Variants in PPP2R2B observed in about 807,000 individuals in gnomAD.
The protein encoded by PPP2R2B is serine/threonine-protein phosphatase 2A 55 kDa regulatory subunit B beta isoform.
A neutral mutation model predicts 46.0 loss-of-function variants in PPP2R2B; 5 were observed. The observed-to-expected ratio is 0.11, with a 90% CI of 0.06 to 0.23. PPP2R2B has a LOEUF of 0.23. PPP2R2B is among the 10% of genes least tolerant of loss of function. The pLI is 1.00. For missense variants in PPP2R2B, 367 were observed against 575.0 expected, an observed-to-expected ratio of 0.64 and a Z score of 3.70; for synonymous variants, 215 against 206.7, an observed-to-expected ratio of 1.04 and a Z score of -0.34.
At chr5:146,917,637 T>C (rs1235002983) in intron 1 of PPP2R2B, among the ~76,000 whole-genome samples, 1 of 152,210 alleles carries the variant, frequency 6.6e-6, no homozygotes, top group Admixed American at 6.5e-5. Flanking sequence ...ATAAGGTGGG[T>C]TACAAATAAA....
chr5:146,720,913 T>A (rs1780759910), intron 2 of PPP2R2B, among the ~76,000 whole-genome samples: 1 of 152,222 alleles, frequency 6.6e-6, no homozygotes, highest in Non-Finnish European at 1.5e-5. Flanking sequence ...CACTTGCAAA[T>A]CCTATCTCTT....
At chr5:146,866,140 T>G (rs1401339440) in intron 2 of PPP2R2B, among the ~76,000 whole-genome samples, 1 of 152,182 alleles carries the variant, frequency 6.6e-6, no homozygotes, top group Non-Finnish European at 1.5e-5. Context: ...GCTAAAATAC[T>G]TATCATCTGA....
rs187843907 is a variant in PPP2R2B at position 146,804,323 on chromosome 5, A to G, written c.70+73679T>C. ...GGTACTTTCATCTCTGTTTTTAAAG[A>G]TGAGAGGAATCCGATGCTTAGAGAA... On this transcript the variant is annotated intron_variant, in intron 2 of 9. Transcript: ENST00000394411. Among the ~76,000 whole-genome samples the G allele has an allele frequency of 7.4e-4, 112 of 152,238 alleles. 1 individual carries two copies. The highest frequency in any genetic ancestry group is 1.3e-3 in the Non-Finnish European group (91 of 68,014).
chr5:146,846,971 T>C (rs760188232), intron 2 of PPP2R2B, among the ~76,000 whole-genome samples: 2 of 152,222 alleles, frequency 1.3e-5, no homozygotes, highest in Non-Finnish European at 2.9e-5. Context: ...TCTTAGAACA[T>C]TGTTCAAGTA....
intron 2 of PPP2R2B, among the ~76,000 whole-genome samples, chr5:146,756,743 T>C (rs1346060564): frequency 6.6e-6 from 1 of 152,222 alleles, no homozygotes; most frequent in Non-Finnish European, 1.5e-5. Context: ...ATTCATGTCG[T>C]GTACTTAAAA....
chr5:146,878,684 G>A lies in PPP2R2B; in HGVS notation c.-218C>T. On this transcript the variant is annotated 5_prime_UTR_variant, in exon 1 of 10. Transcript: ENST00000394411. This position sits in a 1 kb window ranked among gnomAD's most constrained non-coding sequence, Gnocchi z 4.5. ...GGGAGCTGGGCAGGGCGCTGCAGCC[G>A]GCGCCAGCGCACTCACCCTCACACC... 4.7e-6 allele frequency: 6 copies of A among 1,285,922 alleles called. No individual in the cohort carries two copies. The highest frequency in any genetic ancestry group is 6.1e-6 in the Non-Finnish European group (6 of 989,398). 79.7% of individuals were successfully genotyped at this position (1,285,922 alleles called of 1,614,324 possible).
At chr5:146,961,897 A>G (rs1488528125) in intron 1 of PPP2R2B, among the ~76,000 whole-genome samples, 3 of 151,930 alleles carry the variant, frequency 2.0e-5, no homozygotes, top group Non-Finnish European at 4.4e-5. Context: ...GACTCACTTT[A>G]GCTTTGGCAA....
Position 146,781,059 on chromosome 5 carries a change from T to C in PPP2R2B, c.71-79917A>G, listed in dbSNP as rs985452510. On this transcript the variant is annotated intron_variant, in intron 2 of 9. Coordinates refer to ENST00000394411, the MANE Select transcript of PPP2R2B (RefSeq NM_181675.4). ...TACAGTTAACACTATTGACAGAGCATTTATTATTTGCTCTGGACTATGTTA... is the reference window on the plus strand; with the variant it reads ...TACAGTTAACACTATTGACAGAGCACTTATTATTTGCTCTGGACTATGTTA... 2.0e-5 allele frequency among the ~76,000 whole-genome samples: 3 copies of C among 147,414 alleles called. No homozygotes were observed. The South Asian group carries it at 6.5e-4, about 32-fold the overall frequency.
chr5:146,851,130 A>G (rs1438562605), intron 2 of PPP2R2B, among the ~76,000 whole-genome samples: 1 of 152,156 alleles, frequency 6.6e-6, no homozygotes, highest in Non-Finnish European at 1.5e-5. Context: ...AAACAATCTC[A>G]TGCAGTAAAG....
At chr5:147,029,636 G>T (rs546068620) in intron 1 of PPP2R2B, among the ~76,000 whole-genome samples, 6 of 152,190 alleles carry the variant, frequency 3.9e-5, no homozygotes, top group African/African-American at 1.4e-4. Flanking sequence ...TTTGGATAAA[G>T]GGTCTTTAAG....
chr5:146,866,102 TG>T (rs1220111669), intron 2 of PPP2R2B, among the ~76,000 whole-genome samples: 3 of 152,224 alleles, frequency 2.0e-5, no homozygotes, highest in Non-Finnish European at 2.9e-5. Context: ...ATTGAGTAGC[TG>T]GGACAAAGGC....
At chr5:146,869,548 G>A (rs1035969949) in intron 2 of PPP2R2B, among the ~76,000 whole-genome samples, 1 of 152,254 alleles carries the variant, frequency 6.6e-6, no homozygotes, top group South Asian at 2.1e-4. Context: ...CGGGCAGTGT[G>A]TACTCATTTA....
At chr5:146,906,343 A>G (rs1762996090) in intron 1 of PPP2R2B, among the ~76,000 whole-genome samples, 1 of 148,170 alleles carries the variant, frequency 6.7e-6, no homozygotes, top group East Asian at 2.0e-4. Context: ...TTATTTGGAG[A>G]CAGAGTTTCA....
At chr5:146,854,489 C>T (rs910855146) in intron 2 of PPP2R2B, among the ~76,000 whole-genome samples, 1 of 152,112 alleles carries the variant, frequency 6.6e-6, no homozygotes, top group African/African-American at 2.4e-5. Context: ...ACTACAGTCA[C>T]TGTACTCTGC....
chr5:146,959,805 T>G (rs770091263), intron 1 of PPP2R2B, among the ~76,000 whole-genome samples: 1 of 152,104 alleles, frequency 6.6e-6, no homozygotes, highest in Non-Finnish European at 1.5e-5. Flanking sequence ...CTTTCCAGGT[T>G]TGGCTGGGGG....
At chr5:147,072,788 A>G (rs959490587) in intron 2 of PPP2R2B, among the ~76,000 whole-genome samples, 1 of 152,208 alleles carries the variant, frequency 6.6e-6, no homozygotes, top group Non-Finnish European at 1.5e-5. Context: ...CAAGCTGGCA[A>G]TCACCCAGGG....
At chr5:147,051,925 G>T (rs780059190) in intron 1 of PPP2R2B, among the ~76,000 whole-genome samples, 2 of 151,490 alleles carry the variant, frequency 1.3e-5, no homozygotes, top group Non-Finnish European at 2.9e-5. Context: ...ACCACACCCA[G>T]CTTGAATGGC....
chr5:146,723,759 T>G (rs1189151626), intron 2 of PPP2R2B, among the ~76,000 whole-genome samples: 1 of 152,114 alleles, frequency 6.6e-6, no homozygotes, highest in Non-Finnish European at 1.5e-5. Context: ...CCCTTCTCAC[T>G]CATTCCCATC....
At chr5:147,003,756 A>G (rs188113006) in intron 1 of PPP2R2B, among the ~76,000 whole-genome samples, 1 of 152,244 alleles carries the variant, frequency 6.6e-6, no homozygotes, top group East Asian at 1.9e-4. Flanking sequence ...ACTAAGGAGA[A>G]TTAGGAAAAA....
Sources: allele counts gnomAD v4.1 joint callset (sites outside exome capture counted in the v4.1 genomes callset), GRCh38; gene constraint gnomAD v4.1.1; non-coding constraint Gnocchi (gnomAD v3.1); transcripts MANE v1.5; gene names NCBI Gene and HGNC (gene_info 2026-07-23, HGNC 2026-07-21).